The following ATP2B1 variants were observed in gnomAD, a reference collection of about 807,000 sequenced individuals.
ATP2B1 encodes the protein plasma membrane calcium-transporting ATPase 1.
ATP2B1 carries 14 observed loss-of-function variants against 124.2 expected under a neutral mutation model. That is an observed-to-expected ratio of 0.11 (90% CI 0.07 to 0.18). The LOEUF (loss-of-function observed/expected upper bound fraction) is 0.18, where lower values mean the gene tolerates loss of function less well. Ranked by LOEUF, ATP2B1 falls within the 10% of genes least tolerant of loss-of-function variation. The pLI, the probability that ATP2B1 is intolerant of heterozygous loss-of-function variation, is 1.00. For missense variants in ATP2B1, 763 were observed against 1,466.1 expected (o/e 0.52, Z 7.83); for synonymous variants, 449 against 492.4 (o/e 0.91, Z 1.17).
At chr12:89,598,483 T>C (rs1875129833) in intron 20 of ATP2B1, 4 of 1,327,262 alleles carry the variant, frequency 3.0e-6, no homozygotes, top group Middle Eastern at 1.9e-4. Flanking sequence ...AAGAAAGCTT[T>C]ATGAAAAAGC....
intron 15 of ATP2B1, among the ~76,000 whole-genome samples, chr12:89,608,602 T>G (rs1877412955): frequency 6.6e-6 from 1 of 152,224 alleles, no homozygotes; most frequent in Admixed American, 6.5e-5. Flanking sequence ...GTGTATTTGT[T>G]TGATTATATT....
intron 1 of ATP2B1, among the ~76,000 whole-genome samples, chr12:89,673,758 C>A (rs1453649765): frequency 6.6e-6 from 1 of 152,096 alleles, no homozygotes; most frequent in African/African-American, 2.4e-5. Flanking sequence ...TTATACATAT[C>A]AGCTATGATT....
chr12:89,633,504 G>A (rs897603730), intron 5 of ATP2B1, among the ~76,000 whole-genome samples: 1 of 148,636 alleles, frequency 6.7e-6, no homozygotes, highest in Non-Finnish European at 1.5e-5. Flanking sequence ...TTGATGAAAC[G>A]TTAAGTCTAT....
chr12:89,663,178 A>G (rs1166939305), intron 1 of ATP2B1, among the ~76,000 whole-genome samples: 6 of 152,368 alleles, frequency 3.9e-5, no homozygotes, highest in African/African-American at 1.4e-4. Flanking sequence ...AACACTGTTT[A>G]AAAGAATATG....
intron 7 of ATP2B1, among the ~76,000 whole-genome samples, chr12:89,627,055 A>AT (rs1880998042): frequency 6.6e-6 from 1 of 152,126 alleles, no homozygotes; most frequent in Admixed American, 6.5e-5. Flanking sequence ...TTTCTTATGC[A>AT]TTTTTGCTAC....
At chr12:89,620,774 A>C (rs1262497995) in intron 10 of ATP2B1, among the ~76,000 whole-genome samples, 1 of 152,194 alleles carries the variant, frequency 6.6e-6, no homozygotes, top group Admixed American at 6.5e-5. Context: ...CAATGGTATT[A>C]AGGGCAGATG....
intron 5 of ATP2B1, among the ~76,000 whole-genome samples, chr12:89,634,182 C>A (rs943030929): frequency 6.6e-6 from 1 of 152,116 alleles, no homozygotes; most frequent in African/African-American, 2.4e-5. Flanking sequence ...AATCCCAGAA[C>A]ATATCTTAAC....
chr12:89,687,981 G>A lies in ATP2B1; in HGVS notation c.-222+20615C>T, dbSNP rs557198391. ...TAGTTATTTAAAAACAAAAACAAAAGTAAACTAAAACCAAGAACATGTAAG... is the reference window on the plus strand; with the variant it reads ...TAGTTATTTAAAAACAAAAACAAAAATAAACTAAAACCAAGAACATGTAAG... On this transcript the variant is annotated intron_variant, in intron 1 of 20. Coordinates refer to ENST00000428670, the MANE Select transcript of ATP2B1 (RefSeq NM_001366521.1). 2.0e-5 allele frequency among the ~76,000 whole-genome samples: 3 copies of A among 152,054 alleles called. No homozygotes were observed. In the South Asian group the frequency reaches 6.2e-4, roughly 32 times the overall value.
intron 1 of ATP2B1, among the ~76,000 whole-genome samples, chr12:89,659,083 T>G (rs1886354499): frequency 6.6e-6 from 1 of 152,216 alleles, no homozygotes; most frequent in Non-Finnish European, 1.5e-5. Context: ...GCTTTTCACT[T>G]GTTAGCTACA....
In ATP2B1 at chr12:89,621,496, TGATC is replaced by T. The variant is rs547125564; in HGVS notation, c.1587+49_1587+52del. 12 of 1,358,856 alleles carry T rather than the reference TGATC, an allele frequency of 8.8e-6. No individual in the cohort carries two copies. In the African/African-American group the frequency reaches 1.8e-4, roughly 20 times the overall value. 84.2% of individuals were successfully genotyped at this position (1,358,856 alleles called of 1,614,324 possible). The stretch of plus-strand genomic sequence containing the variant: ...GTGGTCTGAAGACTTACATATAGTC[TGATC>T]ATTATAGATTTAAAAATTAATTTTC... On this transcript the variant is annotated intron_variant, in intron 10 of 20. Coordinates refer to ENST00000428670, the MANE Select transcript of ATP2B1 (RefSeq NM_001366521.1).
At chr12:89,661,929 C>T (rs1174840816) in intron 1 of ATP2B1, among the ~76,000 whole-genome samples, 4 of 152,244 alleles carry the variant, frequency 2.6e-5, no homozygotes, top group Middle Eastern at 3.4e-3. Context: ...CCACCCAGTC[C>T]TCTTAGATAT....
intron 1 of ATP2B1, among the ~76,000 whole-genome samples, chr12:89,695,999 C>T (rs527512635): frequency 6.6e-6 from 1 of 152,276 alleles, no homozygotes; most frequent in South Asian, 2.1e-4. Context: ...AGCTCAAGAC[C>T]AGACACAAGA....
At chr12:89,600,416 A>G (rs1875557921) in intron 19 of ATP2B1, among the ~76,000 whole-genome samples, 1 of 152,210 alleles carries the variant, frequency 6.6e-6, no homozygotes, top group Non-Finnish European at 1.5e-5. Context: ...TGTCACATTT[A>G]AAAAATAATG....
intron 1 of ATP2B1, among the ~76,000 whole-genome samples, chr12:89,662,450 T>C (rs533130769): frequency 1.3e-5 from 2 of 152,324 alleles, no homozygotes; most frequent in South Asian, 4.1e-4. Flanking sequence ...ACATTCAAAT[T>C]ATTTCATTAA....
Position 89,591,227 on chromosome 12 carries a change from C to A in ATP2B1, c.3420G>T (p.Ser1140=), listed in dbSNP as rs61736878. 4.1e-3 allele frequency: 6,566 copies of A among 1,612,972 alleles called. 114 individuals carry two copies. The African/African-American group carries it at 0.052, about 13-fold the overall frequency. The part of the protein sequence containing the change: ...EGLEKPESRS[S]IHNFMTHPEF... ...CAGGATGTGTCATAAAGTTGTGAAT[C>A]GAACTTCTTGATTCCGGTTTTTCTA... The change falls in exon 21 of 21, where the codon TCG becomes TCT. Residue 1140 remains serine, a synonymous_variant. Transcript: ENST00000428670.
intron 1 of ATP2B1, among the ~76,000 whole-genome samples, chr12:89,658,038 A>C (rs770146405): frequency 3.3e-5 from 5 of 152,224 alleles, no homozygotes; most frequent in Non-Finnish European, 5.9e-5. Flanking sequence ...TTATAATAAT[A>C]ATCCAACTTG....
chr12:89,695,565 C>T (rs1350592282), intron 1 of ATP2B1, among the ~76,000 whole-genome samples: 1 of 152,008 alleles, frequency 6.6e-6, no homozygotes, highest in Non-Finnish European at 1.5e-5. Context: ...AATACTGAAA[C>T]TTAACTTTTT....
chr12:89,673,037 T>C (rs545121375), intron 1 of ATP2B1, among the ~76,000 whole-genome samples: 5 of 152,342 alleles, frequency 3.3e-5, no homozygotes, highest in African/African-American at 4.8e-5. Flanking sequence ...AGTAATCTTA[T>C]TCCTATCCTC....
rs61256358 is a variant in ATP2B1, at chr12:89,677,954, T to TTATATATATATA, written c.-221-21859_-221-21848dup. ...TCAGGGGGTTGGGGGCATGCAGGAA[T>TTATATATATATA]TATATATATATATATATACACACAC... On this transcript the variant is annotated intron_variant, in intron 1 of 20. Transcript: ENST00000428670. 1.7e-3 allele frequency among the ~76,000 whole-genome samples: 118 copies of TTATATATATATA among 68,736 alleles called. 7 individuals are homozygous for TTATATATATATA. The highest frequency in any genetic ancestry group is 7.1e-3 in the African/African-American group (111 of 15,702). 45.1% of individuals were successfully genotyped at this position (68,736 alleles called of 152,430 possible).
Sources: allele counts gnomAD v4.1 joint callset (sites outside exome capture counted in the v4.1 genomes callset), GRCh38; gene constraint gnomAD v4.1.1; transcripts MANE v1.5; gene names NCBI Gene and HGNC (gene_info 2026-07-23, HGNC 2026-07-21).